The following TDRP variants were observed in gnomAD, a reference collection of about 807,000 sequenced individuals.
TDRP encodes testis development related protein, also known as testis development-related protein.
TDRP carries 12 observed loss-of-function variants against 10.5 expected under a neutral mutation model. The observed-to-expected ratio is 1.15, with a 90% CI of 0.73 to 1.86. The LOEUF (loss-of-function observed/expected upper bound fraction) is 1.86, where lower values mean the gene tolerates loss of function less well. Ranked by LOEUF, TDRP falls within the 40% of genes most tolerant of loss-of-function variation. The pLI is 0.00. For synonymous variants in TDRP, 139 were observed against 95.4 expected, an observed-to-expected ratio of 1.46 and a Z score of -2.67; for missense variants, 353 against 229.2, an observed-to-expected ratio of 1.54 and a Z score of -3.49.
intron 1 of TDRP, among the ~76,000 whole-genome samples, chr8:500,859 G>A (rs1801272402): frequency 6.6e-6 from 1 of 152,138 alleles, no homozygotes; most frequent in African/African-American, 2.4e-5. Context: ...GCAAGACCAG[G>A]AAGTGTTACA....
chr8:507,955 C>T (rs989391144), intron 1 of TDRP, among the ~76,000 whole-genome samples: 1 of 152,040 alleles, frequency 6.6e-6, no homozygotes, highest in Admixed American at 6.5e-5. Context: ...CCTGTTTCAA[C>T]AGAAAGTTTT....
intron 1 of TDRP, among the ~76,000 whole-genome samples, chr8:543,505 A>G (rs1235771232): frequency 6.6e-6 from 1 of 151,964 alleles, no homozygotes; most frequent in East Asian, 1.9e-4. Flanking sequence ...AATTCTCATC[A>G]TTACATTCAA....
chr8:529,267 T>C (rs931420863), intron 1 of TDRP, among the ~76,000 whole-genome samples: 1 of 152,142 alleles, frequency 6.6e-6, no homozygotes, highest in African/African-American at 2.4e-5. Context: ...ATCCCCTAAA[T>C]ATACACACCT....
intron 1 of TDRP, among the ~76,000 whole-genome samples, chr8:522,275 T>G (rs546612127): frequency 1.3e-5 from 2 of 152,186 alleles, no homozygotes; most frequent in Non-Finnish European, 2.9e-5. Flanking sequence ...ACTGGCCCCT[T>G]TGTCATTATG....
Position 491,452 on chromosome 8 carries a change from C to G in TDRP, c.*947G>C, listed in dbSNP as rs970343419. 4.2e-5 allele frequency: 27 copies of G among 640,510 alleles called. No homozygotes were observed. Among genetic ancestry groups the G allele is most frequent in the Non-Finnish European group, 6.3e-5 (26 of 413,058 alleles). The allele number at this position is 640,510 out of a possible 1,614,324, so 39.7% of individuals were successfully genotyped here. A position where few individuals can be genotyped will look rare whatever the true frequency, so the allele number is the denominator to read the frequency against. On this transcript the variant is annotated 3_prime_UTR_variant, in exon 3 of 3. Transcript: ENST00000324079. ...AGAAAAAGAACGCGAGAGATGCTCT[C>G]AAACCGGTCGTCGATTATTCTTGTG...
At chr8:508,576 C>T (rs766690934) in intron 1 of TDRP, among the ~76,000 whole-genome samples, 8 of 152,064 alleles carry the variant, frequency 5.3e-5, no homozygotes, top group Non-Finnish European at 7.4e-5. Flanking sequence ...GAATAGCATG[C>T]GGGAAACCAC....
At chr8:532,169 C>T (rs575314081) in intron 1 of TDRP, among the ~76,000 whole-genome samples, 1 of 152,184 alleles carries the variant, frequency 6.6e-6, no homozygotes, top group Non-Finnish European at 1.5e-5. Flanking sequence ...ATCCACTAAC[C>T]TCTGTGAAGG....
At chr8:528,550 T>A (rs1331480386) in intron 1 of TDRP, among the ~76,000 whole-genome samples, 2 of 147,004 alleles carry the variant, frequency 1.4e-5, no homozygotes, top group Non-Finnish European at 3.0e-5. Context: ...ATAGTTAGCA[T>A]AAGATCTGGT....
intron 1 of TDRP, among the ~76,000 whole-genome samples, chr8:500,608 G>A (rs1343292788): frequency 1.3e-5 from 2 of 152,238 alleles, no homozygotes; most frequent in Admixed American, 6.5e-5. Flanking sequence ...CCAAGATACA[G>A]TGTCATTTGC....
chr8:538,576 C>G (rs535977064), intron 1 of TDRP, among the ~76,000 whole-genome samples: 3 of 152,182 alleles, frequency 2.0e-5, no homozygotes. Flanking sequence ...AGTGGCTCAA[C>G]AAAAGGCAGA....
At chr8:530,274 C>G (rs1187188251) in intron 1 of TDRP, among the ~76,000 whole-genome samples, 2 of 152,032 alleles carry the variant, frequency 1.3e-5, no homozygotes, top group Non-Finnish European at 2.9e-5. Flanking sequence ...TATCTCTGTT[C>G]TCTCACAGCA....
intron 2 of TDRP, 46 bp from the exon 3 acceptor site, chr8:492,790 G>C: frequency 2.9e-6 from 4 of 1,388,376 alleles, no homozygotes; most frequent in Non-Finnish European, 3.9e-6. Flanking sequence ...AGGTCTTAGG[G>C]CCTCAAGCTT....
intron 1 of TDRP, among the ~76,000 whole-genome samples, chr8:535,888 C>T (rs1259156600): frequency 6.6e-6 from 1 of 152,060 alleles, no homozygotes; most frequent in Non-Finnish European, 1.5e-5. Flanking sequence ...CCCACCAGCC[C>T]TGGCTGAGCA....
chr8:538,525 A>G (rs192333898), intron 1 of TDRP, among the ~76,000 whole-genome samples: 52 of 152,288 alleles, frequency 3.4e-4, no homozygotes, highest in African/African-American at 1.1e-3. Flanking sequence ...ATTTATCCCA[A>G]TTTTACAGCT....
At chr8:504,951 G>C (rs955422108) in intron 1 of TDRP, among the ~76,000 whole-genome samples, 1 of 152,064 alleles carries the variant, frequency 6.6e-6, no homozygotes, top group Admixed American at 6.5e-5. Flanking sequence ...AAGATTTGGG[G>C]AACAGGGAAA....
chr8:534,926 T>G (rs1163394395), intron 1 of TDRP, among the ~76,000 whole-genome samples: 2 of 152,124 alleles, frequency 1.3e-5, no homozygotes, highest in African/African-American at 4.8e-5. Flanking sequence ...TATCCAGGAT[T>G]CTATCCTCCA....
intron 1 of TDRP, among the ~76,000 whole-genome samples, chr8:536,807 G>A (rs1487310177): frequency 1.3e-5 from 2 of 152,248 alleles, no homozygotes; most frequent in East Asian, 1.9e-4. Context: ...CAGTTAAGAG[G>A]AGCCAGCTGA....
Position 492,330 on chromosome 8 carries a change from G to A in TDRP, c.*69C>T. On this transcript the variant is annotated 3_prime_UTR_variant, in exon 3 of 3. Transcript: ENST00000324079. Reference sequence around the variant, plus strand: ...TCTCTATTCTTTCTAACGCGGAAAAGACTCAACAACTACATGGTATACTCA... The same window carrying A: ...TCTCTATTCTTTCTAACGCGGAAAAAACTCAACAACTACATGGTATACTCA... The A allele has an allele frequency of 2.2e-6, 3 of 1,393,624 alleles. No homozygotes were observed. Among genetic ancestry groups the A allele is most frequent in the Non-Finnish European group, 2.8e-6 (3 of 1,069,996 alleles). The allele number at this position is 1,393,624 out of a possible 1,614,324, so 86.3% of individuals were successfully genotyped here.
At chr8:535,512 T>C (rs1802321753) in intron 1 of TDRP, among the ~76,000 whole-genome samples, 1 of 152,170 alleles carries the variant, frequency 6.6e-6, no homozygotes, top group African/African-American at 2.4e-5. Flanking sequence ...GGACTGCATC[T>C]TGACTCACTC....
Sources: gnomAD v4.1 joint callset for allele counts (sites outside exome capture counted in the v4.1 genomes callset) on GRCh38, gnomAD v4.1.1 for gene constraint, MANE v1.5 for transcripts, NCBI Gene and HGNC (gene_info 2026-07-23, HGNC 2026-07-21) for gene names.